DYNC1I2: variants seen among roughly 807,000 people sequenced by gnomAD.
The protein encoded by DYNC1I2 is cytoplasmic dynein 1 intermediate chain 2.
In DYNC1I2, 53 loss-of-function variants were observed where a neutral mutation model predicts 88.6. That is an observed-to-expected ratio of 0.60 (90% CI 0.48 to 0.75). The LOEUF is 0.75. Among genes scored for constraint, DYNC1I2 ranks in the 30% least tolerant of loss-of-function variants. The pLI, the probability that DYNC1I2 is intolerant of heterozygous loss-of-function variation, is 0.00. For synonymous variants in DYNC1I2, 198 were observed against 254.6 expected (o/e 0.78, Z 2.12); for missense variants, 458 against 766.6 (o/e 0.60, Z 4.75).
At chr2:171,737,554 A>T (rs889439114) in intron 15 of DYNC1I2, among the ~76,000 whole-genome samples, 4 of 152,154 alleles carry the variant, frequency 2.6e-5, no homozygotes, top group African/African-American at 9.7e-5. Context: ...AACAGCTGGG[A>T]TTATAGGCAT....
intron 7 of DYNC1I2, 104 bp from the exon 8 acceptor site, chr2:171,725,514 C>T: frequency 1.4e-6 from 1 of 711,928 alleles, no homozygotes; most frequent in Middle Eastern, 4.1e-4. Context: ...GTTGTGATAC[C>T]TTCTGAAATA....
At chr2:171,687,905 C>G (rs1685084291) in intron 1 of DYNC1I2, 2 of 152,338 alleles carry the variant, frequency 1.3e-5, no homozygotes, top group African/African-American at 4.8e-5. Context: ...CAAGGCCTCC[C>G]TGCCTGTGTT....
intron 5 of DYNC1I2, among the ~76,000 whole-genome samples, chr2:171,707,732 CTT>C (rs1039441747): frequency 3.3e-5 from 5 of 152,190 alleles, no homozygotes; most frequent in African/African-American, 7.2e-5. Flanking sequence ...AAACCTCTCT[CTT>C]GTGCTTGATT....
chr2:171,731,112 T>C (rs1004917845), intron 15 of DYNC1I2, among the ~76,000 whole-genome samples: 1 of 152,240 alleles, frequency 6.6e-6, no homozygotes, highest in Non-Finnish European at 1.5e-5. Flanking sequence ...TAGTTTCTCT[T>C]TTACCTCTTA....
chr2:171,693,952 CT>C (rs1685570594), intron 3 of DYNC1I2, among the ~76,000 whole-genome samples: 1 of 151,228 alleles, frequency 6.6e-6, no homozygotes, highest in Non-Finnish European at 1.5e-5. Flanking sequence ...TGTGCTTTGG[CT>C]TTTGTTTTTC....
At chr2:171,722,202 G>GTAGGTGCAGC (rs1687947406) in intron 7 of DYNC1I2, among the ~76,000 whole-genome samples, 1 of 152,072 alleles carries the variant, frequency 6.6e-6, no homozygotes, top group Non-Finnish European at 1.5e-5. Flanking sequence ...ATTCTTTCGT[G>GTAGGTGCAGC]TTACTTGTAG....
intron 3 of DYNC1I2, among the ~76,000 whole-genome samples, chr2:171,701,260 C>T (rs1686236922): frequency 6.6e-6 from 1 of 152,182 alleles, no homozygotes; most frequent in Non-Finnish European, 1.5e-5. Flanking sequence ...ATCTCCACCT[C>T]CCAGGTTCAA....
intron 15 of DYNC1I2, among the ~76,000 whole-genome samples, chr2:171,734,758 G>T (rs1688890865): frequency 6.6e-6 from 1 of 152,208 alleles, no homozygotes; most frequent in Non-Finnish European, 1.5e-5. Context: ...TGGCCATACT[G>T]TGGCTCCAGT....
chr2:171,707,096 A>G (rs1198419953), intron 4 of DYNC1I2, 191 bp from the exon 5 acceptor site: 1 of 725,376 alleles, frequency 1.4e-6, no homozygotes, highest in South Asian at 1.9e-5. Context: ...AATCTTCAGC[A>G]TGCATTGTTA....
rs754886882 is a variant in DYNC1I2, at chr2:171,712,809, C to T, written c.378C>T (p.His126=). Residue 126 remains histidine, a synonymous_variant, in exon 6 of 18, where the codon CAC becomes CAT. Transcript: ENST00000397119. ...CAGATCCATCAGTTCTTCAGCTTCACTCAGATTCCGATTTGGGGTATTGAA... is the reference window on the plus strand; with the variant it reads ...CAGATCCATCAGTTCTTCAGCTTCATTCAGATTCCGATTTGGGGTATTGAA... ...WDTDPSVLQL[H]SDSDLGRGPI... The T allele has an allele frequency of 6.2e-7, 1 of 1,613,334 alleles. No homozygotes were observed. Among genetic ancestry groups the T allele is most frequent in the African/African-American group, 1.3e-5 (1 of 74,906 alleles).
Position 171,724,515 on chromosome 2 carries a change from C to A in DYNC1I2, c.512-1103C>A, listed in dbSNP as rs139347497. Among the ~76,000 whole-genome samples, 101 of 152,322 alleles carry A rather than the reference C, an allele frequency of 6.6e-4. 1 individual carries two copies. The East Asian group carries it at 0.013, about 20-fold the overall frequency. The stretch of plus-strand genomic sequence containing the variant: ...TCCCAGCAGTGCCATCTGGTTGTTG[C>A]TGTCTAGTCAGCTGGCCTGGCTGCT... On this transcript the variant is annotated intron_variant, in intron 7 of 17. Coordinates refer to ENST00000397119, the MANE Select transcript of DYNC1I2 (RefSeq NM_001378.3).
chr2:171,720,319 C>T (rs1687817417), intron 7 of DYNC1I2, among the ~76,000 whole-genome samples: 1 of 152,098 alleles, frequency 6.6e-6, no homozygotes, highest in African/African-American at 2.4e-5. Flanking sequence ...TTCTTCAATA[C>T]CTGTTGATTA....
In DYNC1I2 at chr2:171,692,647, A is replaced by C. The variant is rs956465178; in HGVS notation, c.109-130A>C. 1.5e-5 allele frequency: 9 copies of C among 600,592 alleles called. No individual in the cohort carries two copies. The African/African-American group carries it at 1.7e-4, about 11-fold the overall frequency. The allele number at this position is 600,592 out of a possible 1,614,324, so 37.2% of individuals were successfully genotyped here. On this transcript the variant is annotated intron_variant, in intron 2 of 17. Coordinates refer to ENST00000397119, the MANE Select transcript of DYNC1I2 (RefSeq NM_001378.3). ...ATTTTCATTTAATGACTATAAAAAGAACTTAACCTGTACTCAAAACTAAGT... is the reference window on the plus strand; with the variant it reads ...ATTTTCATTTAATGACTATAAAAAGCACTTAACCTGTACTCAAAACTAAGT...
At chr2:171,744,613 T>A (rs866885289) in intron 16 of DYNC1I2, among the ~76,000 whole-genome samples, 1 of 152,192 alleles carries the variant, frequency 6.6e-6, no homozygotes, top group African/African-American at 2.4e-5. Flanking sequence ...TTAGCCTGAT[T>A]TGTTTGAAGG....
Position 171,728,289 on chromosome 2 carries a change from T to A in DYNC1I2, c.1144-16T>A. The A allele has an allele frequency of 6.1e-6, 9 of 1,485,026 alleles. No homozygotes were observed. The highest frequency in any genetic ancestry group is 8.1e-6 in the Non-Finnish European group (9 of 1,109,846). 92.0% of individuals were successfully genotyped at this position (1,485,026 alleles called of 1,614,324 possible). A position where few individuals can be genotyped will look rare whatever the true frequency, so the allele number is the denominator to read the frequency against. On this transcript the variant is annotated splice_polypyrimidine_tract_variant and intron_variant, in intron 12 of 17. Transcript: ENST00000397119. ...TTGGTACAATAATCCCTGAAAACTT[T>A]TTTTAATATCTCTAGCACCCTGTAT...
chr2:171,694,239 A>G (rs1220237372), intron 3 of DYNC1I2, among the ~76,000 whole-genome samples: 2 of 151,762 alleles, frequency 1.3e-5, no homozygotes, highest in African/African-American at 4.8e-5. Context: ...GTTTCACCAT[A>G]TTGGCCAGGC....
chr2:171,747,078 C>T (rs1689832663), intron 17 of DYNC1I2, among the ~76,000 whole-genome samples: 1 of 151,426 alleles, frequency 6.6e-6, no homozygotes, highest in South Asian at 2.1e-4. Flanking sequence ...CCTGTAATCC[C>T]AGCTACTGGG....
intron 7 of DYNC1I2, among the ~76,000 whole-genome samples, chr2:171,721,092 GC>G (rs145467605): frequency 0.02 from 2,355 of 120,456 alleles, 80 homozygotes; most frequent in African/African-American, 0.072. Context: ...TTTGAGGCCA[GC>G]CTAGGCACAT....
chr2:171,712,869 T>G, intron 6 of DYNC1I2, 43 bp downstream of exon 6: 1 of 1,506,834 alleles, frequency 6.6e-7, no homozygotes, highest in Non-Finnish European at 9.2e-7. Context: ...ATAATGAATT[T>G]GATTCTTTGT....
Sources: allele counts gnomAD v4.1 joint callset (sites outside exome capture counted in the v4.1 genomes callset), GRCh38; gene constraint gnomAD v4.1.1; transcripts MANE v1.5; gene names NCBI Gene and HGNC (gene_info 2026-07-23, HGNC 2026-07-21).